The following BCL2L2 variants were observed in gnomAD, a reference collection of about 807,000 sequenced individuals.
BCL2L2 encodes bcl-2-like protein 2.
Under a neutral mutation model 14.6 loss-of-function variants are expected in BCL2L2, and 6 were observed. The ratio of observed to expected loss-of-function variants is 0.41; its 90% CI spans 0.22 to 0.81. BCL2L2 has a LOEUF of 0.81. Among genes scored for constraint, BCL2L2 ranks in the 30% least tolerant of loss-of-function variants. BCL2L2 has a pLI of 0.32. For missense variants in BCL2L2, 191 were observed against 260.5 expected, an observed-to-expected ratio of 0.73 and a Z score of 1.84; for synonymous variants, 90 against 108.5, an observed-to-expected ratio of 0.83 and a Z score of 1.06.
Position 23,311,172 on chromosome 14 carries a change from A to G in BCL2L2, c.*2207A>G. The G allele has an allele frequency of 7.0e-6, 9 of 1,283,218 alleles. No individual in the cohort carries two copies. Among genetic ancestry groups the G allele is most frequent in the Non-Finnish European group, 9.1e-6 (9 of 987,580 alleles). 79.5% of individuals were successfully genotyped at this position (1,283,218 alleles called of 1,614,324 possible). On this transcript the variant is annotated 3_prime_UTR_variant, in exon 4 of 4. Transcript: ENST00000250405. ...GGGCTTGGTCTGGATTCCCAGAAGC[A>G]TAGCTTAGATGGGACCACAGTGGGC... is the stretch of plus-strand genomic sequence containing the variant.
chr14:23,310,944 C>G lies in BCL2L2; in HGVS notation c.*1979C>G, dbSNP rs568264910. On this transcript the variant is annotated 3_prime_UTR_variant, in exon 4 of 4. Coordinates refer to ENST00000250405, the MANE Select transcript of BCL2L2 (RefSeq NM_004050.5). ...AAACCACTGACTAGACCATCGGCTC[C>G]AAATTGGAGTCTGTGCTTCCTTCCC... The G allele has an allele frequency of 7.8e-7, 1 of 1,289,582 alleles. No homozygotes were observed. Among genetic ancestry groups the G allele is most frequent in the South Asian group, 1.2e-5 (1 of 81,028 alleles). The allele number at this position is 1,289,582 out of a possible 1,614,324, so 79.9% of individuals were successfully genotyped here. A position where few individuals can be genotyped will look rare whatever the true frequency, so the allele number is the denominator to read the frequency against.
Position 23,311,089 on chromosome 14 carries a change from C to T in BCL2L2, c.*2124C>T, listed in dbSNP as rs958881436. 7.8e-7 allele frequency: 1 copy of T among 1,289,084 alleles called. No individual in the cohort carries two copies. The highest frequency in any genetic ancestry group is 1.5e-5 in the African/African-American group (1 of 65,838). 79.9% of individuals were successfully genotyped at this position (1,289,084 alleles called of 1,614,324 possible). ...GACCATGGCCAGGTTACCAAAATGC[C>T]CTGCTCTGAAGCCTTGACACCTGGG... On this transcript the variant is annotated 3_prime_UTR_variant, in exon 4 of 4. Coordinates refer to ENST00000250405, the MANE Select transcript of BCL2L2 (RefSeq NM_004050.5).
chr14:23,308,713 C>A lies in BCL2L2; in HGVS notation c.433-103C>A. On this transcript the variant is annotated intron_variant, in intron 3 of 3. Transcript: ENST00000250405. This position sits in a 1 kb window ranked among gnomAD's most constrained non-coding sequence, Gnocchi z 5.4. ...GGAGCTGGGTATGGGGTAGTGCTCG[C>A]AGTGGATGGAACTGGAACTCTTCCT... 1 of 977,984 alleles carries A rather than the reference C, an allele frequency of 1.0e-6. No individual in the cohort carries two copies. The highest frequency in any genetic ancestry group is 1.4e-6 in the Non-Finnish European group (1 of 717,456). 60.6% of individuals were successfully genotyped at this position (977,984 alleles called of 1,614,324 possible). A position where few individuals can be genotyped will look rare whatever the true frequency, so the allele number is the denominator to read the frequency against.
In BCL2L2 at chr14:23,311,526, C is replaced by T. The variant is rs1191931568; in HGVS notation, c.*2561C>T. ...TCCTGCGATTATTAATCCCACTCCC[C>T]ACTTATTCTAGGGCACACAAACACT... On this transcript the variant is annotated 3_prime_UTR_variant, in exon 4 of 4. Transcript: ENST00000250405. The T allele has an allele frequency of 2.0e-6, 2 of 992,430 alleles. No individual in the cohort carries two copies. Among genetic ancestry groups the T allele is most frequent in the Non-Finnish European group, 2.4e-6 (2 of 834,986 alleles). The allele number at this position is 992,430 out of a possible 1,614,324, so 61.5% of individuals were successfully genotyped here.
At position 23,310,098 on chromosome 14, in the gene BCL2L2, C is replaced by T. The variant is rs974716518; in HGVS notation, c.*1133C>T. On this transcript the variant is annotated 3_prime_UTR_variant, in exon 4 of 4. Coordinates refer to ENST00000250405, the MANE Select transcript of BCL2L2 (RefSeq NM_004050.5). Reference sequence around the variant, plus strand: ...CTATGCTGTGTTGTGGGCTTTGGTTCGGCTTTATCAGGGGCCAGGCATATG... The same window carrying T: ...CTATGCTGTGTTGTGGGCTTTGGTTTGGCTTTATCAGGGGCCAGGCATATG... 2.3e-5 allele frequency: 23 copies of T among 985,294 alleles called. No individual in the cohort carries two copies. The highest frequency in any genetic ancestry group is 1.8e-4 in the Admixed American group (3 of 16,244). 61.0% of individuals were successfully genotyped at this position (985,294 alleles called of 1,614,324 possible).
chr14:23,308,181 C>T lies in BCL2L2; in HGVS notation c.414C>T (p.Ile138=), dbSNP rs1275168377. The T allele has an allele frequency of 6.2e-7, 1 of 1,612,396 alleles. No homozygotes were observed. The highest frequency in any genetic ancestry group is 1.7e-5 in the Admixed American group (1 of 59,926). ...TGGAGACGCAGCTGGCTGACTGGATCCACAGCAGTGGGGGCTGGGTAAGAA... is the reference window on the plus strand; with the variant it reads ...TGGAGACGCAGCTGGCTGACTGGATTCACAGCAGTGGGGGCTGGGTAAGAA... The part of the protein sequence containing the change: ...AYLETQLADW[I]HSSGGWAEFT... The change falls in exon 3 of 4, where the codon ATC becomes ATT. Residue 138 remains isoleucine (I), a synonymous_variant. Coordinates refer to ENST00000250405, the MANE Select transcript of BCL2L2 (RefSeq NM_004050.5). The surrounding 1 kb of genome is among the most constrained non-coding windows in gnomAD (Gnocchi z 5.4).
chr14:23,310,721 T>C lies in BCL2L2; in HGVS notation c.*1756T>C. ...TCAGGACAAACTAGGCCAGTGGTTT[T>C]CAAACTGCTTGGCAGAGCCCTGAAG... is the stretch of plus-strand genomic sequence containing the variant. On this transcript the variant is annotated 3_prime_UTR_variant, in exon 4 of 4. Coordinates refer to ENST00000250405, the MANE Select transcript of BCL2L2 (RefSeq NM_004050.5). The C allele has an allele frequency of 2.5e-6, 3 of 1,184,020 alleles. No individual in the cohort carries two copies. The highest frequency in any genetic ancestry group is 3.2e-6 in the Non-Finnish European group (3 of 940,836). The allele number at this position is 1,184,020 out of a possible 1,614,324, so 73.3% of individuals were successfully genotyped here. A position where few individuals can be genotyped will look rare whatever the true frequency, so the allele number is the denominator to read the frequency against.
At position 23,308,705 on chromosome 14, in the gene BCL2L2, A is replaced by C; in HGVS notation, c.433-111A>C. ...GCCAGAGAGGAGCTGGGTATGGGGTAGTGCTCGCAGTGGATGGAACTGGAA... is the reference window on the plus strand; with the variant it reads ...GCCAGAGAGGAGCTGGGTATGGGGTCGTGCTCGCAGTGGATGGAACTGGAA... On this transcript the variant is annotated intron_variant, in intron 3 of 3. Coordinates refer to ENST00000250405, the MANE Select transcript of BCL2L2 (RefSeq NM_004050.5). This position sits in a 1 kb window ranked among gnomAD's most constrained non-coding sequence, Gnocchi z 5.4. 1.7e-5 allele frequency: 14 copies of C among 836,988 alleles called. No homozygotes were observed. Among genetic ancestry groups the C allele is most frequent in the Non-Finnish European group, 2.2e-5 (13 of 592,728 alleles). The allele number at this position is 836,988 out of a possible 1,614,324, so 51.8% of individuals were successfully genotyped here.
rs1187531338 is a variant in BCL2L2 at position 23,311,073 on chromosome 14, C to T, written c.*2108C>T. 1 of 1,289,320 alleles carries T rather than the reference C, an allele frequency of 7.8e-7. No homozygotes were observed. The highest frequency in any genetic ancestry group is 2.3e-5 in the Admixed American group (1 of 43,546). 79.9% of individuals were successfully genotyped at this position (1,289,320 alleles called of 1,614,324 possible). A position where few individuals can be genotyped will look rare whatever the true frequency, so the allele number is the denominator to read the frequency against. On this transcript the variant is annotated 3_prime_UTR_variant, in exon 4 of 4. Coordinates refer to ENST00000250405, the MANE Select transcript of BCL2L2 (RefSeq NM_004050.5). ...CAAGAGGAGCTGCAGGGACCATGGC[C>T]AGGTTACCAAAATGCCCTGCTCTGA...
Position 23,308,776 on chromosome 14 carries a change from T to A in BCL2L2, c.433-40T>A. 7.7e-7 allele frequency: 1 copy of A among 1,301,304 alleles called. No homozygotes were observed. Among genetic ancestry groups the A allele is most frequent in the Admixed American group, 3.0e-5 (1 of 32,910 alleles). 80.6% of individuals were successfully genotyped at this position (1,301,304 alleles called of 1,614,324 possible). Reference sequence around the variant, plus strand: ...CCACTCTTTCCTCTCCTGATATCCCTTTCTCCTTCTTTCTCTCCTGCTTCC... The same window carrying A: ...CCACTCTTTCCTCTCCTGATATCCCATTCTCCTTCTTTCTCTCCTGCTTCC... On this transcript the variant is annotated intron_variant, in intron 3 of 3. Transcript: ENST00000250405. This position sits in a 1 kb window ranked among gnomAD's most constrained non-coding sequence, Gnocchi z 5.4.
rs888172201 is a variant in BCL2L2, at chr14:23,308,267, G to T, written c.432+68G>T. The T allele has an allele frequency of 2.0e-6, 3 of 1,489,330 alleles. No homozygotes were observed. Among genetic ancestry groups the T allele is most frequent in the African/African-American group, 1.4e-5 (1 of 71,076 alleles). The allele number at this position is 1,489,330 out of a possible 1,614,324, so 92.3% of individuals were successfully genotyped here. A position where few individuals can be genotyped will look rare whatever the true frequency, so the allele number is the denominator to read the frequency against. On this transcript the variant is annotated intron_variant, in intron 3 of 3. Transcript: ENST00000250405. The surrounding 1 kb of genome is among the most constrained non-coding windows in gnomAD (Gnocchi z 5.4). ...AGCTGGTCTCCAGGGGGAAGATGGG[G>T]GCTCTGATTGGAGGCTGAGGCAGCT... is the stretch of plus-strand genomic sequence containing the variant.
In BCL2L2 at chr14:23,308,025, T is replaced by G. The variant is rs758414677; in HGVS notation, c.258T>G (p.Leu86=). 9.3e-6 allele frequency: 15 copies of G among 1,613,968 alleles called. No homozygotes were observed. The highest frequency in any genetic ancestry group is 1.7e-6 in the Non-Finnish European group (2 of 1,180,028). The change falls in exon 3 of 4, where the codon CTT becomes CTG. Residue 86 remains leucine (L), a synonymous_variant. Coordinates refer to ENST00000250405, the MANE Select transcript of BCL2L2 (RefSeq NM_004050.5). The surrounding 1 kb of genome is among the most constrained non-coding windows in gnomAD (Gnocchi z 5.4). ...QQRFTQVSDE[L]FQGGPNWGRL... ...GCTTCACCCAGGTCTCCGATGAACT[T>G]TTTCAAGGGGGCCCCAACTGGGGCC... is the stretch of plus-strand genomic sequence containing the variant.
Position 23,311,479 on chromosome 14 carries a change from G to T in BCL2L2, c.*2514G>T. 1 of 1,014,540 alleles carries T rather than the reference G, an allele frequency of 9.9e-7. No individual in the cohort carries two copies. Among genetic ancestry groups the T allele is most frequent in the Non-Finnish European group, 1.2e-6 (1 of 849,106 alleles). The allele number at this position is 1,014,540 out of a possible 1,614,324, so 62.8% of individuals were successfully genotyped here. A position where few individuals can be genotyped will look rare whatever the true frequency, so the allele number is the denominator to read the frequency against. ...AGGGACTTTGTTTAGGCCAAGGAAG[G>T]AGCGGAAGTAGGGCAACTCGGTCCT... On this transcript the variant is annotated 3_prime_UTR_variant, in exon 4 of 4. Transcript: ENST00000250405.
In BCL2L2 at chr14:23,310,018, C is replaced by A. The variant is rs752315636; in HGVS notation, c.*1053C>A. The stretch of plus-strand genomic sequence containing the variant: ...TGAGACTGTTGATGCCTTGAGATGA[C>A]CATTTCAGATCTGAATCCCATGGGT... On this transcript the variant is annotated 3_prime_UTR_variant, in exon 4 of 4. Coordinates refer to ENST00000250405, the MANE Select transcript of BCL2L2 (RefSeq NM_004050.5). The A allele has an allele frequency of 9.1e-6, 9 of 985,380 alleles. No homozygotes were observed. Among genetic ancestry groups the A allele is most frequent in the African/African-American group, 1.7e-5 (1 of 57,222 alleles). 61.0% of individuals were successfully genotyped at this position (985,380 alleles called of 1,614,324 possible).
Position 23,310,601 on chromosome 14 carries a change from T to C in BCL2L2, c.*1636T>C, listed in dbSNP as rs1311702268. ...GGTATTTCTAGGGGAGGTGGTAGGC[T>C]GCATGTGCCACTTGGTCTTGTTGTG... On this transcript the variant is annotated 3_prime_UTR_variant, in exon 4 of 4. Coordinates refer to ENST00000250405, the MANE Select transcript of BCL2L2 (RefSeq NM_004050.5). The C allele has an allele frequency of 2.8e-6, 3 of 1,087,150 alleles. No individual in the cohort carries two copies. Among genetic ancestry groups the C allele is most frequent in the Non-Finnish European group, 3.4e-6 (3 of 890,874 alleles). The allele number at this position is 1,087,150 out of a possible 1,614,324, so 67.3% of individuals were successfully genotyped here. A position where few individuals can be genotyped will look rare whatever the true frequency, so the allele number is the denominator to read the frequency against.
At position 23,307,787 on chromosome 14, in the gene BCL2L2, C is replaced by A. The variant is rs536156541; in HGVS notation, c.20C>A (p.Ala7Asp). The change falls in exon 3 of 4, where the codon GCC becomes GAC. Residue 7 changes from alanine to aspartate, a missense_variant. Coordinates refer to ENST00000250405, the MANE Select transcript of BCL2L2 (RefSeq NM_004050.5). The part of the protein sequence containing the change: MATPAS[A>D]PDTRALVADF... Reference sequence around the variant, plus strand: ...GCCCGGATGGCGACCCCAGCCTCGGCCCCAGACACACGGGCTCTGGTGGCA... The same window carrying A: ...GCCCGGATGGCGACCCCAGCCTCGGACCCAGACACACGGGCTCTGGTGGCA... The A allele has an allele frequency of 1.3e-6, 2 of 1,534,698 alleles. No individual in the cohort carries two copies. The highest frequency in any genetic ancestry group is 4.3e-5 in the Admixed American group (2 of 46,260).
In BCL2L2 at chr14:23,311,269, G is replaced by A; in HGVS notation, c.*2304G>A. 1 of 1,200,796 alleles carries A rather than the reference G, an allele frequency of 8.3e-7. No individual in the cohort carries two copies. Among genetic ancestry groups the A allele is most frequent in the Non-Finnish European group, 1.0e-6 (1 of 952,460 alleles). 74.4% of individuals were successfully genotyped at this position (1,200,796 alleles called of 1,614,324 possible). On this transcript the variant is annotated 3_prime_UTR_variant, in exon 4 of 4. Transcript: ENST00000250405. ...GACTCTTCTGTCAGGGAAAACTAGG[G>A]ACTCTCTTCTAGAGCCATATAGTTC...
At position 23,310,191 on chromosome 14, in the gene BCL2L2, G is replaced by T. The variant is rs2138430262; in HGVS notation, c.*1226G>T. 1 of 985,904 alleles carries T rather than the reference G, an allele frequency of 1.0e-6. No homozygotes were observed. The highest frequency in any genetic ancestry group is 1.2e-6 in the Non-Finnish European group (1 of 829,988). The allele number at this position is 985,904 out of a possible 1,614,324, so 61.1% of individuals were successfully genotyped here. On this transcript the variant is annotated 3_prime_UTR_variant, in exon 4 of 4. Coordinates refer to ENST00000250405, the MANE Select transcript of BCL2L2 (RefSeq NM_004050.5). The stretch of plus-strand genomic sequence containing the variant: ...ATTTGAAGCCACACTGTTTGCATGG[G>T]TGTTACTTGTCTGTACCTCAGAGTC...
chr14:23,309,063 T>C lies in BCL2L2; in HGVS notation c.*98T>C, dbSNP rs1887443481. On this transcript the variant is annotated 3_prime_UTR_variant, in exon 4 of 4. Coordinates refer to ENST00000250405, the MANE Select transcript of BCL2L2 (RefSeq NM_004050.5). Reference sequence around the variant, plus strand: ...GGAAGAAGTGGAGTTGGTGGATGGGTGGGCATGGAACAGGATGGGCAGAGA... The same window carrying C: ...GGAAGAAGTGGAGTTGGTGGATGGGCGGGCATGGAACAGGATGGGCAGAGA... The C allele has an allele frequency of 3.9e-6, 5 of 1,285,250 alleles. No homozygotes were observed. The highest frequency in any genetic ancestry group is 5.0e-6 in the Non-Finnish European group (5 of 1,008,986). The allele number at this position is 1,285,250 out of a possible 1,614,324, so 79.6% of individuals were successfully genotyped here. A position where few individuals can be genotyped will look rare whatever the true frequency, so the allele number is the denominator to read the frequency against.
Sources: gnomAD v4.1 joint callset for allele counts on GRCh38, gnomAD v4.1.1 for gene constraint, Gnocchi (gnomAD v3.1) non-coding constraint, MANE v1.5 for transcripts, NCBI Gene and HGNC (gene_info 2026-07-23, HGNC 2026-07-21) for gene names.